Variants in CDH12 observed in about 807,000 individuals in gnomAD.
The protein encoded by CDH12 is cadherin-12.
A neutral mutation model predicts 74.1 loss-of-function variants in CDH12; 41 were observed. The observed-to-expected ratio is 0.55, with a 90% CI of 0.43 to 0.72. The LOEUF (loss-of-function observed/expected upper bound fraction) is 0.72. Among genes scored for constraint, CDH12 ranks in the 30% least tolerant of loss-of-function variants. The probability of loss-of-function intolerance (pLI) is 0.00; values close to 1 mark genes in which losing one functional copy is unlikely to be tolerated. For missense variants in CDH12, 945 were observed against 977.2 expected, an observed-to-expected ratio of 0.97 and a Z score of 0.44; for synonymous variants, 399 against 355.0, an observed-to-expected ratio of 1.12 and a Z score of -1.39.
intron 1 of CDH12, among the ~76,000 whole-genome samples, chr5:22,591,383 C>A (rs1318439678): frequency 6.6e-6 from 1 of 152,004 alleles, no homozygotes; most frequent in Non-Finnish European, 1.5e-5. Context: ...ATTAATATCA[C>A]AGAAATTATA....
At chr5:22,830,227 G>T (rs879756365) in intron 1 of CDH12, among the ~76,000 whole-genome samples, 23 of 152,000 alleles carry the variant, frequency 1.5e-4, no homozygotes, top group Non-Finnish European at 2.8e-4. Context: ...CTAAAGATGG[G>T]ATTAGACAAT....
chr5:22,505,045 T>C (rs534477517), intron 2 of CDH12, among the ~76,000 whole-genome samples: 6 of 151,958 alleles, frequency 3.9e-5, no homozygotes, highest in East Asian at 1.9e-4. Context: ...TAAATAATTA[T>C]AAAAATAAAG....
chr5:22,081,283 A>G (rs1458750182), intron 4 of CDH12, among the ~76,000 whole-genome samples: 1 of 152,204 alleles, frequency 6.6e-6, no homozygotes, highest in African/African-American at 2.4e-5. Flanking sequence ...CGGTAAAAAT[A>G]CGTTAGAAAG....
intron 1 of CDH12, among the ~76,000 whole-genome samples, chr5:22,814,105 T>C (rs1255624125): frequency 6.6e-6 from 1 of 152,206 alleles, no homozygotes; most frequent in African/African-American, 2.4e-5. Flanking sequence ...TACTTGAGTA[T>C]TTGTTGATTT....
At chr5:22,683,352 G>T (rs181994712) in intron 1 of CDH12, among the ~76,000 whole-genome samples, 2 of 152,204 alleles carry the variant, frequency 1.3e-5, no homozygotes, top group Admixed American at 1.3e-4. Context: ...CACCGGAGGA[G>T]ATTCAGGGTT....
At chr5:22,309,188 C>CA (rs1217066256) in intron 3 of CDH12, among the ~76,000 whole-genome samples, 3 of 152,172 alleles carry the variant, frequency 2.0e-5, no homozygotes, top group South Asian at 2.1e-4. Context: ...GTTCTGGTAA[C>CA]AAAAATATTC....
chr5:22,334,863 C>T (rs1739506353), intron 3 of CDH12, among the ~76,000 whole-genome samples: 1 of 152,086 alleles, frequency 6.6e-6, no homozygotes, highest in African/African-American at 2.4e-5. Context: ...GTATTAAAGA[C>T]TTAAATCTAA....
intron 1 of CDH12, among the ~76,000 whole-genome samples, chr5:22,584,451 C>A (rs1002381241): frequency 6.6e-6 from 1 of 151,926 alleles, no homozygotes; most frequent in Non-Finnish European, 1.5e-5. Context: ...TTTAGTGAAA[C>A]TATAATTTAT....
At chr5:22,243,459 G>T (rs1357887558) in intron 3 of CDH12, among the ~76,000 whole-genome samples, 2 of 151,586 alleles carry the variant, frequency 1.3e-5, no homozygotes, top group African/African-American at 4.8e-5. Context: ...GGAAAAGGAG[G>T]GATATGGGAA....
At chr5:22,097,388 G>T (rs1007092937) in intron 4 of CDH12, among the ~76,000 whole-genome samples, 1 of 152,062 alleles carries the variant, frequency 6.6e-6, no homozygotes, top group African/African-American at 2.4e-5. Flanking sequence ...AACTCTCACA[G>T]CAGAAAGTAA....
chr5:22,468,743 G>T (rs1195730187), intron 2 of CDH12, among the ~76,000 whole-genome samples: 3 of 151,838 alleles, frequency 2.0e-5, no homozygotes, highest in African/African-American at 4.8e-5. Context: ...ATTTATATAA[G>T]TAGATACAGC....
chr5:21,865,958 T>C lies in CDH12; in HGVS notation c.527-11168A>G, dbSNP rs573191308. On this transcript the variant is annotated intron_variant, in intron 6 of 14. Transcript: ENST00000382254. ...GTGGGAGGGACACCATGTGAGATAA[T>C]TGAATCATGGGGATGGTTTTCACCA... is the stretch of plus-strand genomic sequence containing the variant. 4.6e-5 allele frequency among the ~76,000 whole-genome samples: 7 copies of C among 152,310 alleles called. No individual in the cohort carries two copies. In the South Asian group the frequency reaches 8.3e-4, roughly 18 times the overall value.
chr5:21,893,962 G>A (rs1428470266), intron 6 of CDH12, among the ~76,000 whole-genome samples: 1 of 152,142 alleles, frequency 6.6e-6, no homozygotes, highest in Admixed American at 6.5e-5. Context: ...ATTATTCGCT[G>A]AAGAAACCAT....
chr5:22,484,114 C>T (rs2126629464), intron 2 of CDH12, among the ~76,000 whole-genome samples: 1 of 151,888 alleles, frequency 6.6e-6, no homozygotes, highest in Middle Eastern at 3.4e-3. Flanking sequence ...TATTTGGATG[C>T]TAGGTTACAA....
rs553010668 is a variant in CDH12 at position 22,572,518 on chromosome 5, AT to A, written c.-522-67155del. 1.0e-4 allele frequency among the ~76,000 whole-genome samples: 15 copies of A among 149,796 alleles called. No homozygotes were observed. The South Asian group carries it at 1.3e-3, about 13-fold the overall frequency. On this transcript the variant is annotated intron_variant, in intron 1 of 14. Transcript: ENST00000382254. ...TCTAATTTCTTTTCCCCCAGGATTAATTTTTTTTTTCAGACAGTAAGAAGGT... is the reference window on the plus strand; with the variant it reads ...TCTAATTTCTTTTCCCCCAGGATTAATTTTTTTTTCAGACAGTAAGAAGGT...
At chr5:21,753,008 C>T (rs1172523978) in intron 14 of CDH12, among the ~76,000 whole-genome samples, 1 of 152,148 alleles carries the variant, frequency 6.6e-6, no homozygotes, top group Non-Finnish European at 1.5e-5. Flanking sequence ...CAAAATCTCT[C>T]TTTATTCCCA....
At chr5:22,835,792 T>C (rs530910249) in intron 1 of CDH12, among the ~76,000 whole-genome samples, 1 of 152,326 alleles carries the variant, frequency 6.6e-6, no homozygotes, top group East Asian at 1.9e-4. Flanking sequence ...CTCAATGTGA[T>C]GGCTCATCAG....
chr5:22,560,927 C>T (rs1401625794), intron 1 of CDH12, among the ~76,000 whole-genome samples: 1 of 151,938 alleles, frequency 6.6e-6, no homozygotes, highest in African/African-American at 2.4e-5. Flanking sequence ...CAACCTAGAG[C>T]ACAGAAGGTT....
chr5:21,893,610 A>G (rs1258349496), intron 6 of CDH12, among the ~76,000 whole-genome samples: 1 of 152,244 alleles, frequency 6.6e-6, no homozygotes, highest in Non-Finnish European at 1.5e-5. Flanking sequence ...AACTTCAAGT[A>G]TTCTTGCAAT....
Sources: allele counts gnomAD v4.1 joint callset (sites outside exome capture counted in the v4.1 genomes callset), GRCh38; gene constraint gnomAD v4.1.1; transcripts MANE v1.5; gene names NCBI Gene and HGNC (gene_info 2026-07-23, HGNC 2026-07-21).